The following CCSER1 variants were observed in gnomAD, a reference collection of about 807,000 sequenced individuals.
CCSER1 encodes the protein serine-rich coiled-coil domain-containing protein 1.
A neutral mutation model predicts 82.0 loss-of-function variants in CCSER1; 41 were observed. The observed-to-expected ratio is 0.50, with a 90% confidence interval of 0.39 to 0.65. The LOEUF is 0.65. CCSER1 is among the 30% of genes least tolerant of loss of function. The pLI is 0.00. For synonymous variants in CCSER1, 414 were observed against 383.9 expected, an observed-to-expected ratio of 1.08 and a Z score of -0.92; for missense variants, 1,119 against 1,064.2, an observed-to-expected ratio of 1.05 and a Z score of -0.72.
chr4:90,751,779 A>G lies in CCSER1; in HGVS notation c.2010+27788A>G, dbSNP rs1012461633. Among the ~76,000 whole-genome samples the G allele has an allele frequency of 2.0e-5, 3 of 152,188 alleles. No homozygotes were observed. In the South Asian group the frequency reaches 6.2e-4, roughly 32 times the overall value. ...AGCTATGTGTTCCTTTTTCTTAACA[A>G]CAAAGCATTATTTTACATCTGTGTT... On this transcript the variant is annotated intron_variant, in intron 7 of 10. Coordinates refer to ENST00000509176, the MANE Select transcript of CCSER1 (RefSeq NM_001145065.2).
chr4:91,198,638 A>C (rs1735650589), intron 10 of CCSER1, among the ~76,000 whole-genome samples: 1 of 152,114 alleles, frequency 6.6e-6, no homozygotes, highest in African/African-American at 2.4e-5. Flanking sequence ...GGGATGAAAA[A>C]AGAAAGTAGG....
chr4:91,392,363 G>GCACACACGCACACACA (rs58770768), intron 10 of CCSER1, among the ~76,000 whole-genome samples: 30,719 of 147,954 alleles, frequency 0.21, 3,369 homozygotes, highest in Middle Eastern at 0.29. Context: ...ACCTACACAT[G>GCACACACGCACACACA]CACACACACA....
At chr4:91,046,276 G>T (rs1249075981) in intron 9 of CCSER1, among the ~76,000 whole-genome samples, 1 of 151,844 alleles carries the variant, frequency 6.6e-6, no homozygotes, top group African/African-American at 2.4e-5. Context: ...AGCTACTATA[G>T]TCTATAATTA....
At chr4:90,921,326 A>G (rs1051600993) in intron 8 of CCSER1, among the ~76,000 whole-genome samples, 2 of 151,916 alleles carry the variant, frequency 1.3e-5, no homozygotes, top group Non-Finnish European at 2.9e-5. Context: ...ACCTAAGTCT[A>G]TAGGAAACTT....
chr4:90,730,564 C>G (rs1744517237), intron 7 of CCSER1, among the ~76,000 whole-genome samples: 1 of 144,750 alleles, frequency 6.9e-6, no homozygotes, highest in Non-Finnish European at 1.5e-5. Flanking sequence ...AATAGACAAC[C>G]AGCAAATAAA....
intron 10 of CCSER1, among the ~76,000 whole-genome samples, chr4:91,440,057 G>C (rs920207070): frequency 6.6e-6 from 1 of 151,848 alleles, no homozygotes; most frequent in African/African-American, 2.4e-5. Context: ...ACAGATCAAC[G>C]AGACAGAAAG....
rs1293832875 is a variant in CCSER1 at position 91,335,598 on chromosome 4, G to T, written c.2217+249604G>T. Among the ~76,000 whole-genome samples, 3 of 152,168 alleles carry T rather than the reference G, an allele frequency of 2.0e-5. No individual in the cohort carries two copies. In the South Asian group the frequency reaches 6.2e-4, roughly 32 times the overall value. The stretch of plus-strand genomic sequence containing the variant: ...TTCTTTCCCTTTTCTGGACATAGAA[G>T]GGGTATTATAATAATATCCAGAACA... On this transcript the variant is annotated intron_variant, in intron 10 of 10. Transcript: ENST00000509176.
chr4:90,790,371 A>ATT (rs978965140), intron 7 of CCSER1, among the ~76,000 whole-genome samples: 24 of 152,226 alleles, frequency 1.6e-4, no homozygotes, highest in African/African-American at 5.8e-4. Flanking sequence ...AATGACTATG[A>ATT]TTTGGTTTCT....
At chr4:91,428,478 T>C (rs1483463851) in intron 10 of CCSER1, among the ~76,000 whole-genome samples, 1 of 152,018 alleles carries the variant, frequency 6.6e-6, no homozygotes, top group East Asian at 1.9e-4. Context: ...AATTACTAAT[T>C]AGAATGTTAG....
chr4:90,924,668 A>G (rs1728825210), intron 9 of CCSER1, among the ~76,000 whole-genome samples: 1 of 152,072 alleles, frequency 6.6e-6, no homozygotes, highest in African/African-American at 2.4e-5. Context: ...GTAGTTCAAT[A>G]TTGGTCTTTT....
At chr4:90,445,105 G>T (rs28643297) in intron 4 of CCSER1, among the ~76,000 whole-genome samples, 4 of 151,878 alleles carry the variant, frequency 2.6e-5, no homozygotes, top group African/African-American at 9.7e-5. Context: ...AAAGACTTGG[G>T]TTCCTTGCCT....
chr4:90,787,184 C>G (rs959888203), intron 7 of CCSER1, among the ~76,000 whole-genome samples: 2 of 152,132 alleles, frequency 1.3e-5, no homozygotes, highest in Non-Finnish European at 2.9e-5. Context: ...ATTCCTTCCT[C>G]CAGGATATGA....
intron 10 of CCSER1, among the ~76,000 whole-genome samples, chr4:91,096,007 T>G (rs1724473942): frequency 6.6e-6 from 1 of 152,102 alleles, no homozygotes. Context: ...GGATTATGAG[T>G]CTGTATAATA....
At chr4:91,415,897 G>C (rs1753332338) in intron 10 of CCSER1, among the ~76,000 whole-genome samples, 1 of 151,972 alleles carries the variant, frequency 6.6e-6, no homozygotes, top group South Asian at 2.1e-4. Flanking sequence ...TCTCTGCCAG[G>C]TTTTGGTATC....
intron 3 of CCSER1, among the ~76,000 whole-genome samples, chr4:90,333,933 A>T (rs758394217): frequency 6.4e-4 from 98 of 152,048 alleles, no homozygotes; most frequent in Non-Finnish European, 9.6e-4. Flanking sequence ...GTTACCTTTT[A>T]ACTTCACTGA....
At chr4:90,791,187 G>A (rs560302374) in intron 7 of CCSER1, among the ~76,000 whole-genome samples, 14 of 152,158 alleles carry the variant, frequency 9.2e-5, no homozygotes, top group African/African-American at 3.4e-4. Flanking sequence ...GGCTACCATG[G>A]GGGGAAACTG....
In CCSER1 at chr4:91,384,310, T is replaced by C. The variant is rs143622568; in HGVS notation, c.2218-214262T>C. The stretch of plus-strand genomic sequence containing the variant: ...ATTGCAGATAAATAAGTTTACATTT[T>C]AGAAAACTGTTAAAGTAACTGGGAA... On this transcript the variant is annotated intron_variant, in intron 10 of 10. Coordinates refer to ENST00000509176, the MANE Select transcript of CCSER1 (RefSeq NM_001145065.2). 6.9e-3 allele frequency among the ~76,000 whole-genome samples: 1,057 copies of C among 152,228 alleles called. 8 individuals are homozygous for C. The highest frequency in any genetic ancestry group is 0.024 in the African/African-American group (995 of 41,556).
intron 1 of CCSER1, among the ~76,000 whole-genome samples, chr4:90,191,113 A>G (rs1186926105): frequency 1.3e-5 from 2 of 151,962 alleles, no homozygotes; most frequent in African/African-American, 2.4e-5. Context: ...ATTTCTGTTC[A>G]TAATGCATTA....
chr4:90,421,921 G>A (rs1221078591), intron 4 of CCSER1, among the ~76,000 whole-genome samples: 2 of 152,138 alleles, frequency 1.3e-5, no homozygotes, highest in Non-Finnish European at 2.9e-5. Context: ...GGAAAGTGAT[G>A]TTAAAGTAGA....
Sources: allele counts gnomAD v4.1 joint callset (sites outside exome capture counted in the v4.1 genomes callset), GRCh38; gene constraint gnomAD v4.1.1; transcripts MANE v1.5; gene names NCBI Gene and HGNC (gene_info 2026-07-23, HGNC 2026-07-21).